SLC24A4: variants seen among roughly 807,000 people sequenced by gnomAD.
SLC24A4 encodes the protein solute carrier family 24 member 4.
A neutral mutation model predicts 79.0 loss-of-function variants in SLC24A4; 53 were observed. The ratio of observed to expected loss-of-function variants is 0.67; its 90% CI spans 0.54 to 0.84. The LOEUF (loss-of-function observed/expected upper bound fraction) is 0.84. Among genes scored for constraint, SLC24A4 ranks in the 40% least tolerant of loss-of-function variants. SLC24A4 has a pLI of 0.00. For missense variants in SLC24A4, 731 were observed against 822.0 expected, an observed-to-expected ratio of 0.89 and a Z score of 1.35; for synonymous variants, 323 against 323.8, an observed-to-expected ratio of 1.00 and a Z score of 0.03.
rs765190503 is a variant in SLC24A4, at chr14:92,453,940, G to T, written c.921G>T (p.Met307Ile). Residue 307 changes from methionine to isoleucine, a missense_variant, in exon 11 of 17, where the codon ATG becomes ATT. Transcript: ENST00000532405. ...AGTATGGCAAGAACCCCGTGGTGATGGTGGACGAGATTATGAGCTCCAGCC... is the reference window on the plus strand; with the variant it reads ...AGTATGGCAAGAACCCCGTGGTGATTGTGGACGAGATTATGAGCTCCAGCC... The part of the protein sequence containing the change: ...KPQYGKNPVV[M>I]VDEIMSSSPP... 4.3e-6 allele frequency: 7 copies of T among 1,613,488 alleles called. No individual in the cohort carries two copies. Among genetic ancestry groups the T allele is most frequent in the South Asian group, 1.1e-5 (1 of 90,896 alleles).
intron 2 of SLC24A4, among the ~76,000 whole-genome samples, chr14:92,396,024 C>T (rs913998990): frequency 1.1e-4 from 16 of 152,142 alleles, no homozygotes; most frequent in Admixed American, 7.9e-4. Flanking sequence ...CAGGGTTTCA[C>T]CCTGTTGGCC....
intron 2 of SLC24A4, among the ~76,000 whole-genome samples, chr14:92,420,362 C>G (rs149510962): frequency 6.6e-6 from 1 of 152,120 alleles, no homozygotes; most frequent in Non-Finnish European, 1.5e-5. Flanking sequence ...TGCCTATAGT[C>G]CCAGCTACTC....
chr14:92,448,764 G>A (rs1311433100), intron 9 of SLC24A4, among the ~76,000 whole-genome samples: 5 of 152,160 alleles, frequency 3.3e-5, no homozygotes, highest in African/African-American at 7.2e-5. Flanking sequence ...AGGCGAGGCC[G>A]AGCTTCCTTT....
At chr14:92,419,414 C>T (rs551508314) in intron 2 of SLC24A4, among the ~76,000 whole-genome samples, 1 of 152,314 alleles carries the variant, frequency 6.6e-6, no homozygotes, top group East Asian at 1.9e-4. Flanking sequence ...TACCTTCCCG[C>T]AGATGTTCTC....
chr14:92,485,222 G>A (rs1040086388), intron 13 of SLC24A4, among the ~76,000 whole-genome samples: 14 of 152,106 alleles, frequency 9.2e-5, no homozygotes, highest in East Asian at 3.9e-4. Flanking sequence ...CCAGCACTTC[G>A]GGAGGCCAAG....
At chr14:92,419,870 C>T (rs1246565892) in intron 2 of SLC24A4, among the ~76,000 whole-genome samples, 2 of 152,156 alleles carry the variant, frequency 1.3e-5, no homozygotes, top group Non-Finnish European at 2.9e-5. Flanking sequence ...GTAAATGTGA[C>T]CTTCATTGGA....
chr14:92,323,320 G>T lies in SLC24A4; in HGVS notation c.-511G>T, dbSNP rs1269056614. The stretch of plus-strand genomic sequence containing the variant: ...GCGCGCACTCGGCCGCCCGGGCTCG[G>T]CTCGTCGGGAAGCAGGGGAACATCG... On this transcript the variant is annotated 5_prime_UTR_variant, in exon 1 of 17. Transcript: ENST00000532405. The surrounding 1 kb of genome is among the most constrained non-coding windows in gnomAD (Gnocchi z 4.9). The T allele has an allele frequency of 6.6e-6, 1 of 152,144 alleles. No individual in the cohort carries two copies. The highest frequency in any genetic ancestry group is 2.4e-5 in the African/African-American group (1 of 41,430). The allele number at this position is 152,144 out of a possible 1,614,324, so 9.4% of individuals were successfully genotyped here. A position where few individuals can be genotyped will look rare whatever the true frequency, so the allele number is the denominator to read the frequency against.
chr14:92,358,040 C>T (rs1362848316), intron 2 of SLC24A4, among the ~76,000 whole-genome samples: 2 of 152,196 alleles, frequency 1.3e-5, no homozygotes, highest in African/African-American at 4.8e-5. Flanking sequence ...GAAAGTGCTG[C>T]TGGCAGGCTC....
intron 2 of SLC24A4, among the ~76,000 whole-genome samples, chr14:92,417,368 G>A (rs1891037164): frequency 6.6e-6 from 1 of 152,134 alleles, no homozygotes; most frequent in Non-Finnish European, 1.5e-5. Context: ...ATAGCTTATA[G>A]AATAAGAACA....
chr14:92,474,757 ATATACG>A (rs1330172184), intron 12 of SLC24A4, among the ~76,000 whole-genome samples: 5 of 125,322 alleles, frequency 4.0e-5, no homozygotes, highest in Non-Finnish European at 6.7e-5. Context: ...ACGTGTGTGT[ATATACG>A]TATATATGTG....
Position 92,325,950 on chromosome 14 carries a change from A to G in SLC24A4, c.213A>G (p.Thr71=). The G allele has an allele frequency of 6.2e-7, 1 of 1,612,316 alleles. No homozygotes were observed. Among genetic ancestry groups the G allele is most frequent in the South Asian group, 1.1e-5 (1 of 90,760 alleles). The part of the protein sequence containing the change: ...NRKLMAPVNG[T]QTAKNCTDPA... ...AGTTGATGGCCCCAGTGAATGGGAC[A>G]CAGACAGCCAAGAACTGCACAGATC... The change falls in exon 2 of 17, where the codon ACA becomes ACG. Residue 71 remains threonine (T), a synonymous_variant. Coordinates refer to ENST00000532405, the MANE Select transcript of SLC24A4 (RefSeq NM_153646.4).
At chr14:92,437,144 A>G (rs1160922825) in intron 3 of SLC24A4, among the ~76,000 whole-genome samples, 1 of 152,184 alleles carries the variant, frequency 6.6e-6, no homozygotes, top group Non-Finnish European at 1.5e-5. Context: ...CCCAGTGCTT[A>G]GAGCAAAACC....
At chr14:92,397,468 T>C (rs1889842309) in intron 2 of SLC24A4, among the ~76,000 whole-genome samples, 1 of 151,752 alleles carries the variant, frequency 6.6e-6, no homozygotes, top group Non-Finnish European at 1.5e-5. Flanking sequence ...AGCCCAGTGC[T>C]CTTTCCCCTG....
rs1303877912 is a variant in SLC24A4, at chr14:92,496,465, A to C, written c.*2837A>C. ...TAAAAAAATGAATTTAGCTCTTCTC[A>C]TTGGGGGCAGAAAAGAAAAAAAAAA... On this transcript the variant is annotated 3_prime_UTR_variant, in exon 17 of 17. Transcript: ENST00000532405. The C allele has an allele frequency of 1.3e-5, 2 of 151,944 alleles. No homozygotes were observed. Among genetic ancestry groups the C allele is most frequent in the Non-Finnish European group, 2.9e-5 (2 of 67,988 alleles). 9.4% of individuals were successfully genotyped at this position (151,944 alleles called of 1,614,324 possible).
At chr14:92,440,807 G>T (rs755252072) in intron 4 of SLC24A4, among the ~76,000 whole-genome samples, 41 of 151,722 alleles carry the variant, frequency 2.7e-4, no homozygotes, top group Non-Finnish European at 4.7e-4. Flanking sequence ...GGAGGAGGTG[G>T]CATTGGGTCC....
chr14:92,359,668 C>T (rs1422372882), intron 2 of SLC24A4, among the ~76,000 whole-genome samples: 1 of 152,120 alleles, frequency 6.6e-6, no homozygotes, highest in Admixed American at 6.5e-5. Flanking sequence ...TTAAGTATAA[C>T]AAGTAATTAT....
chr14:92,366,233 G>A (rs1887831077), intron 2 of SLC24A4, among the ~76,000 whole-genome samples: 1 of 152,218 alleles, frequency 6.6e-6, no homozygotes, highest in Non-Finnish European at 1.5e-5. Context: ...CAAAGGCCAA[G>A]CCTCTGGGAA....
chr14:92,330,651 G>A (rs1373569093), intron 2 of SLC24A4, among the ~76,000 whole-genome samples: 1 of 152,192 alleles, frequency 6.6e-6, no homozygotes, highest in Non-Finnish European at 1.5e-5. Flanking sequence ...GTGGAGGCTG[G>A]CAAATCCAAG....
At chr14:92,476,136 A>G (rs1430785899) in intron 12 of SLC24A4, among the ~76,000 whole-genome samples, 1 of 152,192 alleles carries the variant, frequency 6.6e-6, no homozygotes, top group African/African-American at 2.4e-5. Flanking sequence ...TATACCCGCA[A>G]AGACGTTCCT....
Sources: allele counts gnomAD v4.1 joint callset (sites outside exome capture counted in the v4.1 genomes callset), GRCh38; gene constraint gnomAD v4.1.1; non-coding constraint Gnocchi (gnomAD v3.1); transcripts MANE v1.5; gene names NCBI Gene and HGNC (gene_info 2026-07-23, HGNC 2026-07-21).